Variants in SPIRE1 observed in about 807,000 individuals in gnomAD.
SPIRE1 encodes protein spire homolog 1.
A neutral mutation model predicts 94.1 loss-of-function variants in SPIRE1; 40 were observed. The ratio of observed to expected loss-of-function variants is 0.43; its 90% CI spans 0.33 to 0.55. SPIRE1 has a LOEUF of 0.55. Ranked by LOEUF, SPIRE1 falls within the 20% of genes least tolerant of loss-of-function variation. SPIRE1 has a pLI of 0.06. For synonymous variants in SPIRE1, 376 were observed against 371.7 expected (o/e 1.01, Z -0.13); for missense variants, 838 against 975.2 (o/e 0.86, Z 1.87).
chr18:12,556,802 C>T (rs1412373224), intron 2 of SPIRE1, among the ~76,000 whole-genome samples: 1 of 152,156 alleles, frequency 6.6e-6, no homozygotes, highest in Non-Finnish European at 1.5e-5. Context: ...GAGTGAGCAG[C>T]AGCAAGATTT....
chr18:12,510,859 C>T (rs950623519), intron 5 of SPIRE1, among the ~76,000 whole-genome samples: 36 of 152,104 alleles, frequency 2.4e-4, no homozygotes, highest in African/African-American at 8.4e-4. Flanking sequence ...CACAATCTAA[C>T]ACACTCCACA....
At chr18:12,550,524 G>T (rs1418928239) in intron 2 of SPIRE1, among the ~76,000 whole-genome samples, 2 of 152,024 alleles carry the variant, frequency 1.3e-5, no homozygotes, top group African/African-American at 4.8e-5. Flanking sequence ...GTGACACCTG[G>T]CTAATTTTTA....
chr18:12,500,486 A>T (rs1391898544), intron 6 of SPIRE1, among the ~76,000 whole-genome samples: 3 of 152,178 alleles, frequency 2.0e-5, no homozygotes, highest in African/African-American at 7.2e-5. Flanking sequence ...GGATGGGAGA[A>T]ACTGGGCCCC....
chr18:12,577,375 T>C (rs1448448496), intron 2 of SPIRE1, among the ~76,000 whole-genome samples: 4 of 152,062 alleles, frequency 2.6e-5, no homozygotes, highest in Non-Finnish European at 5.9e-5. Context: ...TCTCGATCTC[T>C]TGACCTTGTG....
chr18:12,475,499 A>C (rs916670674), intron 10 of SPIRE1, among the ~76,000 whole-genome samples: 1 of 152,202 alleles, frequency 6.6e-6, no homozygotes, highest in African/African-American at 2.4e-5. Context: ...AATGGAAAAA[A>C]TGGAGTGGTA....
chr18:12,580,276 G>A (rs925253585), intron 2 of SPIRE1, among the ~76,000 whole-genome samples: 2 of 152,034 alleles, frequency 1.3e-5, no homozygotes, highest in African/African-American at 4.8e-5. Context: ...GGTTGGAGAG[G>A]AAAGGTTTGA....
intron 3 of SPIRE1, among the ~76,000 whole-genome samples, chr18:12,539,363 T>A (rs923131421): frequency 6.6e-6 from 1 of 152,140 alleles, no homozygotes; most frequent in Non-Finnish European, 1.5e-5. Flanking sequence ...GCCAGCGATG[T>A]AAGACATGAC....
chr18:12,566,900 G>A (rs933687045), intron 2 of SPIRE1, among the ~76,000 whole-genome samples: 6 of 152,068 alleles, frequency 3.9e-5, no homozygotes, highest in Non-Finnish European at 7.4e-5. Flanking sequence ...ATGAGAATAC[G>A]ACAGACCAAT....
At chr18:12,514,958 G>A (rs1029871701) in intron 4 of SPIRE1, among the ~76,000 whole-genome samples, 1 of 152,118 alleles carries the variant, frequency 6.6e-6, no homozygotes, top group South Asian at 2.1e-4. Context: ...GAACCTTAGC[G>A]CCTGAGAAAA....
chr18:12,507,798 A>G (rs1357513573), intron 5 of SPIRE1, among the ~76,000 whole-genome samples: 1 of 152,138 alleles, frequency 6.6e-6, no homozygotes, highest in Non-Finnish European at 1.5e-5. Flanking sequence ...CAAAGTCTCT[A>G]CTTGAGTGAA....
chr18:12,515,166 G>A (rs991791589), intron 4 of SPIRE1, among the ~76,000 whole-genome samples: 1 of 152,004 alleles, frequency 6.6e-6, no homozygotes, highest in Non-Finnish European at 1.5e-5. Flanking sequence ...TATGAAAAAA[G>A]CTGAAATCAT....
At chr18:12,476,558 AAAAAAAATATATAT>A (rs549897319) in intron 10 of SPIRE1, among the ~76,000 whole-genome samples, 39 of 83,324 alleles carry the variant, frequency 4.7e-4, no homozygotes, top group African/African-American at 2.5e-3. Flanking sequence ...AAAAAAAAAA[AAAAAAAATATATAT>A]ATATATATAT....
At chr18:12,507,805 TG>T (rs1567898004) in intron 5 of SPIRE1, among the ~76,000 whole-genome samples, 1 of 152,118 alleles carries the variant, frequency 6.6e-6, no homozygotes, top group African/African-American at 2.4e-5. Context: ...TCTACTTGAG[TG>T]AAGTCCATCA....
At chr18:12,530,084 C>T (rs2144161107) in intron 4 of SPIRE1, among the ~76,000 whole-genome samples, 1 of 152,272 alleles carries the variant, frequency 6.6e-6, no homozygotes, top group South Asian at 2.1e-4. Context: ...AGGCCTACAG[C>T]ATCCTCAATT....
chr18:12,463,499 G>A lies in SPIRE1; in HGVS notation c.1496-6C>T, dbSNP rs754113449. On this transcript the variant is annotated splice_polypyrimidine_tract_variant and splice_region_variant and intron_variant, in intron 11 of 16. Coordinates refer to ENST00000409402, the MANE Select transcript of SPIRE1 (RefSeq NM_001128626.2). ...GGGCAGGAATTTTGGAGGCTCTAAAGATTGAACCAAATGAAATAAAACTTA... is the reference window on the plus strand; with the variant it reads ...GGGCAGGAATTTTGGAGGCTCTAAAAATTGAACCAAATGAAATAAAACTTA... The A allele has an allele frequency of 6.2e-7, 1 of 1,606,366 alleles. No individual in the cohort carries two copies. Among genetic ancestry groups the A allele is most frequent in the South Asian group, 1.1e-5 (1 of 90,150 alleles).
chr18:12,526,132 T>C (rs574006964), intron 4 of SPIRE1, among the ~76,000 whole-genome samples: 1 of 143,714 alleles, frequency 7.0e-6, no homozygotes, highest in East Asian at 2.1e-4. Flanking sequence ...ATTCAGAGCA[T>C]GGGTAGTCAC....
At chr18:12,458,373 A>T (rs2031622931) in intron 12 of SPIRE1, among the ~76,000 whole-genome samples, 2 of 151,668 alleles carry the variant, frequency 1.3e-5, no homozygotes, top group South Asian at 2.1e-4. Flanking sequence ...GCACTTTGGG[A>T]GGCCGAGGTG....
chr18:12,660,408 G>A (rs553706639), upstream of SPIRE1, among the ~76,000 whole-genome samples: 21 of 150,098 alleles, frequency 1.4e-4, no homozygotes, highest in East Asian at 3.9e-4. Context: ...TGCAACTTCC[G>A]CCTCCTGGGT....
intron 6 of SPIRE1, among the ~76,000 whole-genome samples, chr18:12,499,263 T>C (rs1329467602): frequency 6.8e-6 from 1 of 147,080 alleles, no homozygotes; most frequent in African/African-American, 2.7e-5. Context: ...AAGAGACCTA[T>C]TCTTTCTCTA....
Sources: gnomAD v4.1 joint callset for allele counts (sites outside exome capture counted in the v4.1 genomes callset) on GRCh38, gnomAD v4.1.1 for gene constraint, MANE v1.5 for transcripts, NCBI Gene and HGNC (gene_info 2026-07-23, HGNC 2026-07-21) for gene names.